Variants in COL8A1 observed in about 807,000 individuals in gnomAD.
COL8A1 encodes collagen alpha-1(VIII) chain.
Under a neutral mutation model 42.7 loss-of-function variants are expected in COL8A1, and 21 were observed. The observed-to-expected ratio is 0.49, with a 90% confidence interval of 0.35 to 0.71. COL8A1 has a LOEUF of 0.71. Ranked by LOEUF, COL8A1 falls within the 30% of genes least tolerant of loss-of-function variation. The probability of loss-of-function intolerance (pLI) is 0.01; values close to 1 mark genes in which losing one functional copy is unlikely to be tolerated. For synonymous variants in COL8A1, 367 were observed against 369.1 expected (o/e 0.99, Z 0.06); for missense variants, 788 against 962.4 (o/e 0.82, Z 2.40).
At chr3:99,654,114 G>A (rs865871645) in intron 1 of COL8A1, among the ~76,000 whole-genome samples, 24 of 152,196 alleles carry the variant, frequency 1.6e-4, no homozygotes, top group Admixed American at 1.1e-3. Flanking sequence ...GAAGTCCAAT[G>A]TTTGAGGGCA....
chr3:99,761,790 C>A (rs1941370071), intron 2 of COL8A1, among the ~76,000 whole-genome samples: 1 of 152,110 alleles, frequency 6.6e-6, no homozygotes, highest in Non-Finnish European at 1.5e-5. Flanking sequence ...AAAACAGACA[C>A]CCTCTCATAT....
intron 1 of COL8A1, among the ~76,000 whole-genome samples, chr3:99,734,386 G>C: frequency 6.9e-6 from 1 of 144,088 alleles, no homozygotes; most frequent in Non-Finnish European, 1.5e-5. Flanking sequence ...AGTTTTCCCA[G>C]CACCATTTAT....
intron 1 of COL8A1, among the ~76,000 whole-genome samples, chr3:99,658,780 C>G (rs1355767374): frequency 6.6e-6 from 1 of 152,220 alleles, no homozygotes; most frequent in Non-Finnish European, 1.5e-5. Flanking sequence ...TAGCAACCAA[C>G]AGTGCAAGGC....
chr3:99,655,014 T>A (rs375508493), intron 1 of COL8A1, among the ~76,000 whole-genome samples: 3 of 152,134 alleles, frequency 2.0e-5, no homozygotes, highest in Admixed American at 1.3e-4. Context: ...CTGTGCTAGA[T>A]GCCATGAAGG....
chr3:99,780,260 A>T (rs965109656), intron 2 of COL8A1, among the ~76,000 whole-genome samples: 5 of 152,230 alleles, frequency 3.3e-5, no homozygotes, highest in Non-Finnish European at 7.3e-5. Flanking sequence ...ACCAAGGCAC[A>T]GACAGGTTAA....
At chr3:99,783,349 T>C (rs1941831628) in intron 2 of COL8A1, among the ~76,000 whole-genome samples, 1 of 152,244 alleles carries the variant, frequency 6.6e-6, no homozygotes, top group African/African-American at 2.4e-5. Flanking sequence ...AGCTAGTACA[T>C]GGGGATGATT....
At chr3:99,699,358 C>T (rs1295885771) in intron 1 of COL8A1, among the ~76,000 whole-genome samples, 2 of 152,214 alleles carry the variant, frequency 1.3e-5, no homozygotes, top group Non-Finnish European at 2.9e-5. Context: ...CACAGCCTGT[C>T]TCTGCCTTAG....
rs1266281886 is a variant in COL8A1, at chr3:99,721,757, CT to C, written c.-128-23137del. Among the ~76,000 whole-genome samples the C allele has an allele frequency of 3.3e-5, 5 of 151,972 alleles. No individual in the cohort carries two copies. The East Asian group carries it at 7.8e-4, about 24-fold the overall frequency. On this transcript the variant is annotated intron_variant, in intron 1 of 3. Transcript: ENST00000652472. The stretch of plus-strand genomic sequence containing the variant: ...CATTTTCAAGTCAAGCAGAAAATGA[CT>C]TTAAAGAAAGGTATGTCTGCAAGTG...
chr3:99,648,490 G>A (rs1323871446), intron 1 of COL8A1, among the ~76,000 whole-genome samples: 1 of 151,436 alleles, frequency 6.6e-6, no homozygotes, highest in Non-Finnish European at 1.5e-5. Context: ...AAAGCATGCT[G>A]TCATTTCAGA....
At chr3:99,712,924 C>T (rs1050996097) in intron 1 of COL8A1, among the ~76,000 whole-genome samples, 5 of 152,062 alleles carry the variant, frequency 3.3e-5, no homozygotes, top group African/African-American at 1.2e-4. Context: ...TTTTTCTCTA[C>T]ATTTGAGCCA....
At chr3:99,639,747 C>G (rs1937468424) in intron 1 of COL8A1, among the ~76,000 whole-genome samples, 1 of 152,218 alleles carries the variant, frequency 6.6e-6, no homozygotes, top group East Asian at 1.9e-4. Context: ...TGGGATGAAA[C>G]TCTCTCAAGT....
In COL8A1 at chr3:99,651,938, A is replaced by G. The variant is rs150183344; in HGVS notation, c.-129+13274A>G. ...AGACTTTATCCTGCTGTCATGAGCC[A>G]GACAACATCAAGAAATAATTATGGG... On this transcript the variant is annotated intron_variant, in intron 1 of 3. Coordinates refer to ENST00000652472, the MANE Select transcript of COL8A1 (RefSeq NM_020351.4). Among the ~76,000 whole-genome samples, 569 of 152,386 alleles carry G rather than the reference A, an allele frequency of 3.7e-3. 5 individuals are homozygous for G. Among genetic ancestry groups the G allele is most frequent in the African/African-American group, 0.013 (536 of 41,592 alleles).
At chr3:99,667,843 T>G (rs969118852) in intron 1 of COL8A1, among the ~76,000 whole-genome samples, 1 of 152,138 alleles carries the variant, frequency 6.6e-6, no homozygotes, top group Non-Finnish European at 1.5e-5. Flanking sequence ...CTCTTTCAAA[T>G]AACAAATATT....
At chr3:99,666,330 C>CTTGAG (rs1938367475) in intron 1 of COL8A1, among the ~76,000 whole-genome samples, 1 of 152,102 alleles carries the variant, frequency 6.6e-6, no homozygotes, top group Non-Finnish European at 1.5e-5. Context: ...CTGCAAGGTC[C>CTTGAG]TTGAGCTCCT....
intron 1 of COL8A1, among the ~76,000 whole-genome samples, chr3:99,722,295 T>G (rs909646602): frequency 6.6e-6 from 1 of 152,086 alleles, no homozygotes; most frequent in African/African-American, 2.4e-5. Flanking sequence ...TGGCATAAAA[T>G]CTCTTTAATA....
At chr3:99,722,038 C>A (rs1288097641) in intron 1 of COL8A1, among the ~76,000 whole-genome samples, 1 of 152,020 alleles carries the variant, frequency 6.6e-6, no homozygotes, top group African/African-American at 2.4e-5. Flanking sequence ...CTGCTGTGGA[C>A]TTTTTTCAAT....
intron 1 of COL8A1, among the ~76,000 whole-genome samples, chr3:99,700,846 T>G (rs1189203042): frequency 6.6e-6 from 1 of 152,192 alleles, no homozygotes; most frequent in African/African-American, 2.4e-5. Context: ...TGGCCATGTG[T>G]ATGCTGGACT....
At chr3:99,666,369 A>G (rs987083308) in intron 1 of COL8A1, among the ~76,000 whole-genome samples, 3 of 152,220 alleles carry the variant, frequency 2.0e-5, no homozygotes, top group Non-Finnish European at 4.4e-5. Flanking sequence ...AGCTCCTGGC[A>G]TCGAATGCCA....
Position 99,759,890 on chromosome 3 carries a change from G to A in COL8A1, c.-4+14869G>A, listed in dbSNP as rs566981458. On this transcript the variant is annotated intron_variant, in intron 2 of 3. Coordinates refer to ENST00000652472, the MANE Select transcript of COL8A1 (RefSeq NM_020351.4). ...ACATTTTAAATGGGTTTCTCCTACC[G>A]TGTGATCATGGTTCTTTGAAAGGGG... Among the ~76,000 whole-genome samples the A allele has an allele frequency of 4.9e-4, 75 of 152,308 alleles. 1 individual carries two copies. In the South Asian group the frequency reaches 8.9e-3, roughly 18 times the overall value.
Sources: allele counts gnomAD v4.1 joint callset (sites outside exome capture counted in the v4.1 genomes callset), GRCh38; gene constraint gnomAD v4.1.1; transcripts MANE v1.5; gene names NCBI Gene and HGNC (gene_info 2026-07-23, HGNC 2026-07-21).